The following LRMDA variants were observed in gnomAD, a reference collection of about 807,000 sequenced individuals.
The protein encoded by LRMDA is leucine rich melanocyte differentiation associated, also known as leucine-rich melanocyte differentiation-associated protein.
LRMDA carries 18 observed loss-of-function variants against 29.8 expected under a neutral mutation model. That is an observed-to-expected ratio of 0.60 (90% CI 0.42 to 0.90). The LOEUF (loss-of-function observed/expected upper bound fraction) is 0.90, where lower values mean the gene tolerates loss of function less well. Ranked by LOEUF, LRMDA falls within the 40% of genes least tolerant of loss-of-function variation. The probability of loss-of-function intolerance (pLI) is 0.00; values close to 1 mark genes in which losing one functional copy is unlikely to be tolerated. For synonymous variants in LRMDA, 125 were observed against 109.4 expected (o/e 1.14, Z -0.89); for missense variants, 273 against 273.9 (o/e 1.00, Z 0.02).
At position 76,120,007 on chromosome 10, in the gene LRMDA, A is replaced by G. The variant is rs190916020; in HGVS notation, c.516+61224A>G. On this transcript the variant is annotated intron_variant, in intron 5 of 6. Transcript: ENST00000611255. ...CCCCATTTGTTAGGGTCTTTTTATC[A>G]GTTTCTGTTGTATTCTTGCAGCTTC... Among the ~76,000 whole-genome samples, 234 of 152,188 alleles carry G rather than the reference A, an allele frequency of 1.5e-3. 1 individual carries two copies. Among genetic ancestry groups the G allele is most frequent in the African/African-American group, 5.2e-3 (216 of 41,522 alleles).
intron 2 of LRMDA, among the ~76,000 whole-genome samples, chr10:75,523,804 T>A (rs990455366): frequency 6.6e-6 from 1 of 152,188 alleles, no homozygotes; most frequent in East Asian, 1.9e-4. Context: ...CCTTCTTCCC[T>A]GCATCCTTTC....
intron 3 of LRMDA, among the ~76,000 whole-genome samples, chr10:76,045,333 C>G (rs1174154154): frequency 6.7e-6 from 1 of 148,276 alleles, no homozygotes; most frequent in East Asian, 2.1e-4. Flanking sequence ...GTTTCCCCCT[C>G]TTGTTAGTTT....
Position 75,431,713 on chromosome 10 carries a change from G to A in LRMDA, c.-12G>A. On this transcript the variant is annotated 5_prime_UTR_variant, in exon 1 of 7. Transcript: ENST00000611255. ...GCGCTCCGTCCCGCGCGCCCGCAGC[G>A]TCCTGGCCGCCATGGCCGGGCTCGT... is the stretch of plus-strand genomic sequence containing the variant. 4 of 1,347,772 alleles carry A rather than the reference G, an allele frequency of 3.0e-6. No homozygotes were observed. Among genetic ancestry groups the A allele is most frequent in the Non-Finnish European group, 3.8e-6 (4 of 1,048,040 alleles). 83.5% of individuals were successfully genotyped at this position (1,347,772 alleles called of 1,614,324 possible).
At chr10:75,598,039 A>G (rs551042490) in intron 2 of LRMDA, among the ~76,000 whole-genome samples, 7 of 152,344 alleles carry the variant, frequency 4.6e-5, no homozygotes, top group African/African-American at 1.7e-4. Context: ...CTGCCCCCGT[A>G]GAGCCGGCAT....
At chr10:75,515,058 T>A (rs900646806) in intron 2 of LRMDA, among the ~76,000 whole-genome samples, 29 of 152,128 alleles carry the variant, frequency 1.9e-4, no homozygotes, top group African/African-American at 6.8e-4. Context: ...TAGAAAAGAA[T>A]CAAGTGTTGA....
At chr10:76,278,012 C>T (rs963216400) in intron 5 of LRMDA, among the ~76,000 whole-genome samples, 5 of 152,134 alleles carry the variant, frequency 3.3e-5, no homozygotes, top group Admixed American at 2.6e-4. Context: ...TTGCTTTTCC[C>T]AGTGGTTACT....
At chr10:75,592,860 G>C (rs1776191353) in intron 2 of LRMDA, among the ~76,000 whole-genome samples, 1 of 152,228 alleles carries the variant, frequency 6.6e-6, no homozygotes, top group Non-Finnish European at 1.5e-5. Flanking sequence ...TAGTTTTAAA[G>C]TCTACTTGCT....
intron 5 of LRMDA, among the ~76,000 whole-genome samples, chr10:76,315,020 C>T (rs1840674230): frequency 6.6e-6 from 1 of 152,202 alleles, no homozygotes; most frequent in South Asian, 2.1e-4. Context: ...CTTTGCCAGG[C>T]ACCTTTGAAC....
intron 6 of LRMDA, among the ~76,000 whole-genome samples, chr10:76,458,589 A>G (rs905899046): frequency 5.9e-5 from 9 of 152,114 alleles, no homozygotes; most frequent in Non-Finnish European, 1.2e-4. Context: ...CTTGGATGAG[A>G]GCACTATCAG....
chr10:75,562,339 G>T (rs1840308789), intron 2 of LRMDA, among the ~76,000 whole-genome samples: 2 of 152,152 alleles, frequency 1.3e-5, no homozygotes, highest in South Asian at 4.2e-4. Context: ...TTTTATCAGA[G>T]ACTAGGACTG....
At chr10:75,770,999 A>G (rs932652845) in intron 2 of LRMDA, among the ~76,000 whole-genome samples, 9 of 151,996 alleles carry the variant, frequency 5.9e-5, no homozygotes, top group Non-Finnish European at 1.3e-4. Flanking sequence ...GTCCGTGGGG[A>G]GGTAATAGAC....
rs111270629 is a variant in LRMDA at position 76,447,926 on chromosome 10, G to C, written c.602-109283G>C. ...AGATATTCATCTTGTATTGGGTATAGATACAACTTCTAATTTTTGAAATTT... is the reference window on the plus strand; with the variant it reads ...AGATATTCATCTTGTATTGGGTATACATACAACTTCTAATTTTTGAAATTT... On this transcript the variant is annotated intron_variant, in intron 6 of 6. Transcript: ENST00000611255. Among the ~76,000 whole-genome samples the C allele has an allele frequency of 2.3e-3, 351 of 152,238 alleles. 1 individual carries two copies. The highest frequency in any genetic ancestry group is 8.1e-3 in the African/African-American group (336 of 41,544).
chr10:75,516,221 G>A lies in LRMDA; in HGVS notation c.131+77727G>A, dbSNP rs986841825. 6.6e-5 allele frequency among the ~76,000 whole-genome samples: 10 copies of A among 152,202 alleles called. No homozygotes were observed. In the South Asian group the frequency reaches 1.2e-3, roughly 19 times the overall value. On this transcript the variant is annotated intron_variant, in intron 2 of 6. Transcript: ENST00000611255. ...TTATTATACTTTGGGTATATACCCA[G>A]TAATGGAATTGCTGGGTCAAATGGT...
chr10:76,365,693 G>A (rs1269621371), intron 6 of LRMDA, among the ~76,000 whole-genome samples: 1 of 152,232 alleles, frequency 6.6e-6, no homozygotes, highest in Non-Finnish European at 1.5e-5. Flanking sequence ...CGCTCTGCGG[G>A]TTGTCTGTTT....
intron 6 of LRMDA, chr10:76,535,651 G>A (rs1589228452): frequency 6.6e-6 from 1 of 151,980 alleles, no homozygotes; most frequent in African/African-American, 2.4e-5. Flanking sequence ...CAGAAAAGTT[G>A]GAAAAATAGT....
At chr10:75,469,861 C>T (rs1228102728) in intron 2 of LRMDA, among the ~76,000 whole-genome samples, 1 of 152,178 alleles carries the variant, frequency 6.6e-6, no homozygotes, top group Non-Finnish European at 1.5e-5. Flanking sequence ...AAGCTTCAAA[C>T]AAGGTGCAGA....
chr10:76,001,987 G>A (rs1847571079), intron 2 of LRMDA, among the ~76,000 whole-genome samples: 1 of 152,064 alleles, frequency 6.6e-6, no homozygotes, highest in Admixed American at 6.6e-5. Flanking sequence ...TTGCCATGGT[G>A]TCTTACTCAG....
At chr10:76,032,775 G>A (rs534992643) in intron 2 of LRMDA, among the ~76,000 whole-genome samples, 2 of 152,214 alleles carry the variant, frequency 1.3e-5, no homozygotes, top group South Asian at 4.1e-4. Flanking sequence ...GCTGTGCCTA[G>A]GTCCTGGGTG....
At chr10:75,509,209 G>A (rs868400595) in intron 2 of LRMDA, among the ~76,000 whole-genome samples, 4 of 152,182 alleles carry the variant, frequency 2.6e-5, no homozygotes, top group Admixed American at 2.6e-4. Flanking sequence ...TACCCCGTTC[G>A]TGGTGCAGTG....
Sources: allele counts gnomAD v4.1 joint callset (sites outside exome capture counted in the v4.1 genomes callset), GRCh38; gene constraint gnomAD v4.1.1; transcripts MANE v1.5; gene names NCBI Gene and HGNC (gene_info 2026-07-23, HGNC 2026-07-21).